The following IGFN1 variants were observed in gnomAD, a reference collection of about 807,000 sequenced individuals.
IGFN1 encodes immunoglobulin like and fibronectin type III domain containing 1.
A neutral mutation model predicts 289.5 loss-of-function variants in IGFN1; 253 were observed. That is an observed-to-expected ratio of 0.87 (90% CI 0.79 to 0.97). The LOEUF is 0.97. IGFN1 is among the 50% of genes least tolerant of loss of function. The pLI, the probability that IGFN1 is intolerant of heterozygous loss-of-function variation, is 0.00. For missense variants in IGFN1, 4,470 were observed against 4,686.1 expected, an observed-to-expected ratio of 0.95 and a Z score of 1.35; for synonymous variants, 1,706 against 1,788.5, an observed-to-expected ratio of 0.95 and a Z score of 1.16.
chr1:201,208,385 G>A lies in IGFN1; in HGVS notation c.3492G>A (p.Glu1164=). ...TGAGGGCAGGAAGCAAAGTGGGTGA[G>A]GGGGATGGGACAAGATGCCCTGGTG... ...GSLRAGSKVG[E]GDGTRCPGAK... Residue 1164 remains glutamate, a synonymous_variant, in exon 12 of 24, where the codon GAG becomes GAA. Coordinates refer to ENST00000335211, the MANE Select transcript of IGFN1 (RefSeq NM_001164586.2). 6.9e-7 allele frequency: 1 copy of A among 1,456,922 alleles called. No individual in the cohort carries two copies. The highest frequency in any genetic ancestry group is 1.5e-5 in the South Asian group (1 of 68,480). 90.2% of individuals were successfully genotyped at this position (1,456,922 alleles called of 1,614,324 possible). A position where few individuals can be genotyped will look rare whatever the true frequency, so the allele number is the denominator to read the frequency against.
chr1:201,201,610 C>T, intron 8 of IGFN1, 109 bp from the exon 9 acceptor site: 1 of 629,676 alleles, frequency 1.6e-6, no homozygotes. Context: ...AATGCATGCT[C>T]ATCTGGAACG....
Position 201,203,854 on chromosome 1 carries a change from C to G in IGFN1, c.864C>G (p.Tyr288Ter). Residue 288 changes from tyrosine (Y) to a stop codon, truncating the protein, a stop_gained, in exon 10 of 24, where the codon TAC (tyrosine) becomes TAG (stop). Transcript: ENST00000335211. LOFTEE classifies it high-confidence loss of function. Reference sequence around the variant, plus strand: ...TGAGGCCTGAGGACTCTGGCATTTACCAGGTCAAGGTGGAGGATGCTGTGG... The same window carrying G: ...TGAGGCCTGAGGACTCTGGCATTTAGCAGGTCAAGGTGGAGGATGCTGTGG... The part of the protein sequence containing the change: ...QDLRPEDSGI[Y>*]QVKVEDAVVF... 1 of 1,551,730 alleles carries G rather than the reference C, an allele frequency of 6.4e-7. No individual in the cohort carries two copies. The highest frequency in any genetic ancestry group is 8.7e-7 in the Non-Finnish European group (1 of 1,146,996).
In IGFN1 at chr1:201,222,792, G is replaced by C. The variant is rs766027713; in HGVS notation, c.10255G>C (p.Val3419Leu). ...CACCAAGGACTTGCTGACAGTCAAG[G>C]TCGGGGACACAGTTCGTGTGCCCGT... ...SSTKDLLTVK[V>L]GDTVRVPVSF... Residue 3419 changes from valine to leucine, a missense_variant, in exon 20 of 24, where the codon GTC becomes CTC. Transcript: ENST00000335211. 5.0e-6 allele frequency: 8 copies of C among 1,613,502 alleles called. No individual in the cohort carries two copies. Among genetic ancestry groups the C allele is most frequent in the African/African-American group, 1.3e-5 (1 of 75,058 alleles).
chr1:201,215,914 G>A, intron 15 of IGFN1, 76 bp downstream of exon 15: 2 of 1,414,622 alleles, frequency 1.4e-6, no homozygotes, highest in Non-Finnish European at 2.0e-6. Context: ...TCAAGGGCAG[G>A]CCTGGGATAT....
chr1:201,220,372 G>T (rs183392520), intron 18 of IGFN1, among the ~76,000 whole-genome samples: 1 of 152,274 alleles, frequency 6.6e-6, no homozygotes, highest in Admixed American at 6.5e-5. Flanking sequence ...TAGAGACAGG[G>T]TCTCACTATA....
At position 201,203,846 on chromosome 1, in the gene IGFN1, G is replaced by C; in HGVS notation, c.856G>C (p.Gly286Arg). Reference protein sequence around the residue: ...QIQDLRPEDSGIYQVKVEDAV... With the variant: ...QIQDLRPEDSRIYQVKVEDAV... ...TCAAGACCTGAGGCCTGAGGACTCT[G>C]GCATTTACCAGGTCAAGGTGGAGGA... The change falls in exon 10 of 24, where the codon GGC becomes CGC. Residue 286 changes from glycine (G) to arginine (R), a missense_variant. This residue lies in a region of IGFN1 where 2,011 missense variants were observed against 1,953.4 expected (regional missense o/e 1.03). Coordinates refer to ENST00000335211, the MANE Select transcript of IGFN1 (RefSeq NM_001164586.2). The C allele has an allele frequency of 6.4e-7, 1 of 1,551,716 alleles. No homozygotes were observed. Among genetic ancestry groups the C allele is most frequent in the Non-Finnish European group, 8.7e-7 (1 of 1,147,000 alleles).
In IGFN1 at chr1:201,228,636, C is replaced by A; in HGVS notation, c.*237C>A. 1 of 594,670 alleles carries A rather than the reference C, an allele frequency of 1.7e-6. No individual in the cohort carries two copies. Among genetic ancestry groups the A allele is most frequent in the Non-Finnish European group, 3.0e-6 (1 of 332,852 alleles). 36.8% of individuals were successfully genotyped at this position (594,670 alleles called of 1,614,324 possible). ...GCTAAGTCACTCAACAGAATGACAG[C>A]GAACCTCCTGGACCCTCACCATATG... On this transcript the variant is annotated 3_prime_UTR_variant, in exon 24 of 24. Coordinates refer to ENST00000335211, the MANE Select transcript of IGFN1 (RefSeq NM_001164586.2).
intron 17 of IGFN1, 51 bp from the exon 18 acceptor site, chr1:201,218,479 C>T: frequency 6.3e-7 from 1 of 1,580,392 alleles, no homozygotes. Flanking sequence ...AAGCTATCTC[C>T]CCATGTCCAG....
At chr1:201,227,389 T>A (rs977212971) in intron 23 of IGFN1, among the ~76,000 whole-genome samples, 181 bp downstream of exon 23, 8 of 151,858 alleles carry the variant, frequency 5.3e-5, no homozygotes, top group Non-Finnish European at 1.0e-4. Context: ...CCACATGTGG[T>A]CTTTATTTGC....
rs746813731 is a variant in IGFN1, at chr1:201,215,107, C to A, written c.8948C>A (p.Thr2983Asn). 2.5e-6 allele frequency: 4 copies of A among 1,613,998 alleles called. No homozygotes were observed. The highest frequency in any genetic ancestry group is 2.2e-5 in the South Asian group (2 of 91,062). ...HVQGTQAGRY[T>N]FVAGDQQSEA... ...CAGGGGACCCAAGCTGGGAGGTACA[C>A]CTTTGTAGCTGGTGACCAGCAGAGC... Residue 2983 changes from threonine to asparagine, a missense_variant, in exon 14 of 24, where the codon ACC (threonine) becomes AAC (asparagine). Coordinates refer to ENST00000335211, the MANE Select transcript of IGFN1 (RefSeq NM_001164586.2).
At chr1:201,215,350 A>G (rs1571478053) in intron 14 of IGFN1, among the ~76,000 whole-genome samples, 189 bp from the exon 15 acceptor site, 1 of 152,184 alleles carries the variant, frequency 6.6e-6, no homozygotes, top group African/African-American at 2.4e-5. Context: ...CCCTGTCAGG[A>G]AGTCCTTGGT....
At chr1:201,227,821 GC>G (rs1387590139) in intron 23 of IGFN1, among the ~76,000 whole-genome samples, 1 of 152,136 alleles carries the variant, frequency 6.6e-6, no homozygotes, top group Non-Finnish European at 1.5e-5. Context: ...TCCCAGTGGG[GC>G]CACGCTACAC....
chr1:201,216,567 G>T lies in IGFN1; in HGVS notation c.9409G>T (p.Val3137Leu). Residue 3137 changes from valine (V) to leucine (L), a missense_variant, in exon 16 of 24, where the codon GTG becomes TTG. By Grantham distance (32) the Val-to-Leu change is conservative. Coordinates refer to ENST00000335211, the MANE Select transcript of IGFN1 (RefSeq NM_001164586.2). The stretch of plus-strand genomic sequence containing the variant: ...TGGGGGCCGGACTGTAGAGTGCTAC[G>T]TGGTGGAGAGACGGCAGGCTGGCAG... The part of the protein sequence containing the change: ...DNGGRTVECY[V>L]VERRQAGRST... 6.2e-7 allele frequency: 1 copy of T among 1,613,656 alleles called. No individual in the cohort carries two copies. The highest frequency in any genetic ancestry group is 2.2e-5 in the East Asian group (1 of 44,858).
chr1:201,216,103 TG>T, intron 15 of IGFN1: 2 of 676,862 alleles, frequency 3.0e-6, no homozygotes. Flanking sequence ...AGGAAGTTGC[TG>T]GGTAGGATGG....
In IGFN1 at chr1:201,212,759, C is replaced by T; in HGVS notation, c.7866C>T (p.Ser2622=). Reference sequence around the variant, plus strand: ...GGCCTGCTGATAGACAAGGGACGAGCAATGCTTGGGCTCCTGATTGGGAAA... The same window carrying T: ...GGCCTGCTGATAGACAAGGGACGAGTAATGCTTGGGCTCCTGATTGGGAAA... ...TSGPADRQGT[S]NAWAPDWENQ... Residue 2622 remains serine (S), a synonymous_variant, in exon 12 of 24, where the codon AGC becomes AGT. Coordinates refer to ENST00000335211, the MANE Select transcript of IGFN1 (RefSeq NM_001164586.2). The T allele has an allele frequency of 1.3e-6, 2 of 1,551,512 alleles. No homozygotes were observed. Among genetic ancestry groups the T allele is most frequent in the Non-Finnish European group, 8.7e-7 (1 of 1,146,916 alleles).
In IGFN1 at chr1:201,208,266, G is replaced by A; in HGVS notation, c.3373G>A (p.Gly1125Arg). 1 of 1,535,730 alleles carries A rather than the reference G, an allele frequency of 6.5e-7. No homozygotes were observed. The highest frequency in any genetic ancestry group is 8.7e-7 in the Non-Finnish European group (1 of 1,146,688). Residue 1125 changes from glycine (G) to arginine (R), a missense_variant, in exon 12 of 24, where the codon GGG (glycine) becomes AGG (arginine). Around this residue, in one of 8 missense-constraint regions of IGFN1, gnomAD observed 2,011 missense variants for 1,953.4 expected, o/e 1.03. Transcript: ENST00000335211. ...IRPWGQTGNY[G>R]GFRASEALGA... is the part of the protein sequence containing the mutation. ...GCCTTGGGGTCAGACTGGAAATTATGGGGGCTTCAGAGCCTCAGAGGCCCT... is the reference window on the plus strand; with the variant it reads ...GCCTTGGGGTCAGACTGGAAATTATAGGGGCTTCAGAGCCTCAGAGGCCCT...
intron 9 of IGFN1, 132 bp from the exon 10 acceptor site, chr1:201,203,606 A>T: frequency 1.3e-6 from 1 of 775,312 alleles, no homozygotes; most frequent in East Asian, 2.7e-5. Context: ...CAGCTCCTCT[A>T]TGGTTCCAGG....
rs1158729593 is a variant in IGFN1, at chr1:201,206,626, A to G, written c.1733A>G (p.Lys578Arg). 6.5e-7 allele frequency: 1 copy of G among 1,541,244 alleles called. No homozygotes were observed. Among genetic ancestry groups the G allele is most frequent in the South Asian group, 1.2e-5 (1 of 84,052 alleles). ...GGACTGGGGAGCAGCAGGGAAGGAA[A>G]GGAGCACAGAGGGGACAGTGGAAGA... ...AGGLGSSREG[K>R]EHRGDSGRQL... is the part of the protein sequence containing the mutation. The change falls in exon 12 of 24, where the codon AAG (lysine) becomes AGG (arginine). Residue 578 changes from lysine (K) to arginine (R), a missense_variant. Physicochemically the swap from Lys to Arg is conservative, Grantham distance 26. Transcript: ENST00000335211.
chr1:201,197,413 G>C, intron 5 of IGFN1, 96 bp downstream of exon 5: 3 of 640,970 alleles, frequency 4.7e-6, no homozygotes, highest in Non-Finnish European at 8.2e-6. Context: ...GGAGGGGAGG[G>C]AAGGGAGGCC....
Sources: gnomAD v4.1 joint callset for allele counts (sites outside exome capture counted in the v4.1 genomes callset) on GRCh38, gnomAD v4.1.1 for gene constraint, gnomAD v4.1.1 regional missense constraint, MANE v1.5 for transcripts, NCBI Gene and HGNC (gene_info 2026-07-23, HGNC 2026-07-21) for gene names.